The following EPHA8 variants were observed in gnomAD, a reference collection of about 807,000 sequenced individuals.
EPHA8 encodes EPH receptor A8.
EPHA8 carries 58 observed loss-of-function variants against 103.6 expected under a neutral mutation model. The ratio of observed to expected loss-of-function variants is 0.56; its 90% CI spans 0.45 to 0.70. The LOEUF is 0.70. Ranked by LOEUF, EPHA8 falls within the 30% of genes least tolerant of loss-of-function variation. The pLI, the probability that EPHA8 is intolerant of heterozygous loss-of-function variation, is 0.00. For missense variants in EPHA8, 1,304 were observed against 1,395.2 expected (o/e 0.93, Z 1.04); for synonymous variants, 559 against 572.5 (o/e 0.98, Z 0.34).
At chr1:22,566,391 C>A (rs1285205631) in intron 1 of EPHA8, among the ~76,000 whole-genome samples, 1 of 152,180 alleles carries the variant, frequency 6.6e-6, no homozygotes, top group Admixed American at 6.5e-5. Context: ...GGCGACGGTG[C>A]TGGAGAAAAA....
chr1:22,598,063 TC>T lies in EPHA8; in HGVS notation c.2117-86del, dbSNP rs779031402. 68 of 1,491,622 alleles carry T rather than the reference TC, an allele frequency of 4.6e-5. 1 individual carries two copies. The highest frequency in any genetic ancestry group is 9.3e-6 in the Non-Finnish European group (10 of 1,071,852). 92.4% of individuals were successfully genotyped at this position (1,491,622 alleles called of 1,614,324 possible). ...CTGGGGTTTCCAGTGCTGGCACAGG[TC>T]CTGAGATGGTGGTATGCTCCTGGGG... On this transcript the variant is annotated intron_variant, in intron 11 of 16. Coordinates refer to ENST00000166244, the MANE Select transcript of EPHA8 (RefSeq NM_020526.5). This position sits in a 1 kb window ranked among gnomAD's most constrained non-coding sequence, Gnocchi z 5.1.
intron 7 of EPHA8, 51 bp downstream of exon 7, chr1:22,593,737 C>A: frequency 6.7e-7 from 1 of 1,482,174 alleles, no homozygotes; most frequent in Non-Finnish European, 9.0e-7. Flanking sequence ...TGCCAGGACC[C>A]TGGGGTCGGG....
At chr1:22,588,571 C>T (rs556217514) in intron 4 of EPHA8, among the ~76,000 whole-genome samples, 23 of 150,534 alleles carry the variant, frequency 1.5e-4, no homozygotes, top group Non-Finnish European at 3.1e-4. Flanking sequence ...GTCTCTCTCC[C>T]ACTCTGGGTG....
At chr1:22,566,390 G>A (rs111857994) in intron 1 of EPHA8, among the ~76,000 whole-genome samples, 4,638 of 152,322 alleles carry the variant, frequency 0.03, 242 homozygotes, top group African/African-American at 0.11. Flanking sequence ...AGGCGACGGT[G>A]CTGGAGAAAA....
At chr1:22,581,624 G>A (rs1439077348) in intron 3 of EPHA8, among the ~76,000 whole-genome samples, 2 of 152,184 alleles carry the variant, frequency 1.3e-5, no homozygotes, top group African/African-American at 2.4e-5. Flanking sequence ...AGGACCTCAC[G>A]GGGGCTGGGA....
intron 2 of EPHA8, among the ~76,000 whole-genome samples, chr1:22,572,416 C>G (rs1640568027): frequency 6.6e-6 from 1 of 152,252 alleles, no homozygotes; most frequent in African/African-American, 2.4e-5. Flanking sequence ...ACTGAATACT[C>G]TCAGAGGCAA....
At chr1:22,601,250 T>G in intron 15 of EPHA8, 50 bp from the exon 16 acceptor site, 16 of 1,549,418 alleles carry the variant, frequency 1.0e-5, no homozygotes, top group Admixed American at 2.1e-5. Flanking sequence ...CTTCTGGGGG[T>G]CCAGCCTCCC....
At chr1:22,574,247 G>A (rs1640622238) in intron 2 of EPHA8, among the ~76,000 whole-genome samples, 1 of 152,200 alleles carries the variant, frequency 6.6e-6, no homozygotes, top group South Asian at 2.1e-4. Flanking sequence ...CCAAAGTGCT[G>A]GGATTACAGG....
chr1:22,578,348 G>T (rs1557560392), intron 3 of EPHA8, among the ~76,000 whole-genome samples: 1 of 150,702 alleles, frequency 6.6e-6, no homozygotes, highest in East Asian at 2.0e-4. Flanking sequence ...ATGCATGTGT[G>T]TATGTGTGCG....
intron 2 of EPHA8, among the ~76,000 whole-genome samples, chr1:22,571,293 G>A (rs1207807341): frequency 6.6e-6 from 1 of 152,176 alleles, no homozygotes; most frequent in African/African-American, 2.4e-5. Context: ...CTCTGAACAG[G>A]TCACAGGCGT....
At position 22,600,796 on chromosome 1, in the gene EPHA8, A is replaced by G; in HGVS notation, c.2524A>G (p.Met842Val). 5.6e-6 allele frequency: 9 copies of G among 1,608,318 alleles called. No homozygotes were observed. The highest frequency in any genetic ancestry group is 2.2e-5 in the East Asian group (1 of 44,768). The change falls in exon 14 of 17, where the codon ATG becomes GTG. Residue 842 changes from methionine to valine, a missense_variant. Coordinates refer to ENST00000166244, the MANE Select transcript of EPHA8 (RefSeq NM_020526.5). Reference sequence around the variant, plus strand: ...CTATGGGGAGCGGCCCTACTGGAACATGACCAACCGGGATGTGAGTGCCAA... The same window carrying G: ...CTATGGGGAGCGGCCCTACTGGAACGTGACCAACCGGGATGTGAGTGCCAA... The part of the protein sequence containing the change: ...LAYGERPYWN[M>V]TNRDVISSVE...
Position 22,576,837 on chromosome 1 carries a change from C to G in EPHA8, c.780C>G (p.Cys260Trp), listed in dbSNP as rs749326341. Residue 260 changes from cysteine to tryptophan, a missense_variant, in exon 3 of 17, where the codon TGC becomes TGG. Physicochemically the swap from Cys to Trp is radical, Grantham distance 215. Coordinates refer to ENST00000166244, the MANE Select transcript of EPHA8 (RefSeq NM_020526.5). This position sits in a 1 kb window ranked among gnomAD's most constrained non-coding sequence, Gnocchi z 4.8. ...EGEWLVPIGK[C>W]VCSAGYEERR... ...AGTGGCTCGTGCCCATCGGCAAATG[C>G]GTGTGCAGTGCCGGCTACGAGGAGC... The G allele has an allele frequency of 6.2e-7, 1 of 1,608,188 alleles. No individual in the cohort carries two copies. The highest frequency in any genetic ancestry group is 8.5e-7 in the Non-Finnish European group (1 of 1,176,988).
rs764615227 is a variant in EPHA8, at chr1:22,571,059, C to T, written c.159+1706C>T. On this transcript the variant is annotated intron_variant, in intron 2 of 16. Transcript: ENST00000166244. ...GAGGGCACGCCTGGGCCCTGGCTGG[C>T]TCCGGGGTGTCTTTATCCCACTCAG... Among the ~76,000 whole-genome samples, 9 of 152,284 alleles carry T rather than the reference C, an allele frequency of 5.9e-5. No individual in the cohort carries two copies. In the South Asian group the frequency reaches 6.2e-4, roughly 11 times the overall value.
Position 22,589,878 on chromosome 1 carries a change from C to T in EPHA8, c.1315+672C>T, listed in dbSNP as rs1641329176. ...TGCCCAAGACCCTCAGGCCCCCACC[C>T]ACCATCTCCTCCCAAAACCACACAG... On this transcript the variant is annotated intron_variant, in intron 5 of 16. Transcript: ENST00000166244. This position sits in a 1 kb window ranked among gnomAD's most constrained non-coding sequence, Gnocchi z 4.3. Among the ~76,000 whole-genome samples, 1 of 152,186 alleles carries T rather than the reference C, an allele frequency of 6.6e-6. No individual in the cohort carries two copies. Among genetic ancestry groups the T allele is most frequent in the African/African-American group, 2.4e-5 (1 of 41,430 alleles).
Position 22,567,413 on chromosome 1 carries a change from G to A in EPHA8, c.95-1876G>A, listed in dbSNP as rs146090756. On this transcript the variant is annotated intron_variant, in intron 1 of 16. Transcript: ENST00000166244. This position sits in a 1 kb window ranked among gnomAD's most constrained non-coding sequence, Gnocchi z 4.2. ...CTCTACATTGCCTGAGAGGGAGGGA[G>A]GCAGGCGGGAAGCCTTCTCTCTGCC... 1.7e-3 allele frequency among the ~76,000 whole-genome samples: 263 copies of A among 152,338 alleles called. 1 individual carries two copies. Among genetic ancestry groups the A allele is most frequent in the Non-Finnish European group, 3.2e-3 (220 of 68,026 alleles).
intron 1 of EPHA8, among the ~76,000 whole-genome samples, chr1:22,565,701 A>G (rs904988619): frequency 2.6e-5 from 4 of 152,194 alleles, no homozygotes; most frequent in African/African-American, 9.6e-5. Context: ...AGGACAAAGC[A>G]TGGGTCTGGG....
chr1:22,586,982 C>T (rs938859547), intron 4 of EPHA8, among the ~76,000 whole-genome samples: 8 of 152,260 alleles, frequency 5.3e-5, no homozygotes, highest in Non-Finnish European at 8.8e-5. Flanking sequence ...CTCGCCTGTG[C>T]GGAGAGGGTG....
At chr1:22,572,558 A>G (rs1640574060) in intron 2 of EPHA8, among the ~76,000 whole-genome samples, 1 of 152,198 alleles carries the variant, frequency 6.6e-6, no homozygotes, top group African/African-American at 2.4e-5. Flanking sequence ...ATTAACATGG[A>G]CTAACGAATG....
chr1:22,566,636 C>T (rs928916481), intron 1 of EPHA8, among the ~76,000 whole-genome samples: 4 of 152,124 alleles, frequency 2.6e-5, no homozygotes, highest in Non-Finnish European at 2.9e-5. Flanking sequence ...GTTTGGTAAG[C>T]GGGGAGATGG....
Sources: allele counts gnomAD v4.1 joint callset (sites outside exome capture counted in the v4.1 genomes callset), GRCh38; gene constraint gnomAD v4.1.1; non-coding constraint Gnocchi (gnomAD v3.1); transcripts MANE v1.5; gene names NCBI Gene and HGNC (gene_info 2026-07-23, HGNC 2026-07-21).